The following ZNF518A variants were observed in gnomAD, a reference collection of about 807,000 sequenced individuals.
ZNF518A encodes zinc finger protein 518A, also known as zinc finger protein 518.
ZNF518A carries 47 observed loss-of-function variants against 102.7 expected under a neutral mutation model. The ratio of observed to expected loss-of-function variants is 0.46; its 90% CI spans 0.36 to 0.58. ZNF518A has a LOEUF of 0.58. ZNF518A is among the 20% of genes least tolerant of loss of function. ZNF518A has a pLI of 0.00. For synonymous variants in ZNF518A, 652 were observed against 594.6 expected (o/e 1.10, Z -1.40); for missense variants, 1,793 against 1,699.8 (o/e 1.05, Z -0.96).
rs963284865 is a variant in ZNF518A, at chr10:96,142,828, C to T, written c.-302+9180C>T. Among the ~76,000 whole-genome samples the T allele has an allele frequency of 3.4e-5, 5 of 148,340 alleles. No individual in the cohort carries two copies. In the East Asian group the frequency reaches 9.8e-4, roughly 29 times the overall value. ...TTCTTTTTTTTTTTTTTTATTGCGA[C>T]AGAGTCTCGCTGTGTCGCCCAAGCT... On this transcript the variant is annotated intron_variant, in intron 3 of 5. Coordinates refer to ENST00000316045, the MANE Select transcript of ZNF518A (RefSeq NM_001330736.2).
chr10:96,182,477 A>G (rs2083245989), intron 1 of ZNF518A, among the ~76,000 whole-genome samples: 1 of 152,192 alleles, frequency 6.6e-6, no homozygotes, highest in African/African-American at 2.4e-5. Context: ...TTTGTCATAA[A>G]TAGCTCTTAT....
At chr10:96,174,712 C>T (rs1029086596) in intron 1 of ZNF518A, among the ~76,000 whole-genome samples, 6 of 151,606 alleles carry the variant, frequency 4.0e-5, no homozygotes, top group African/African-American at 1.5e-4. Context: ...CTTCAGAATA[C>T]ATTAGTAAAG....
chr10:96,138,530 C>T (rs2081737390), intron 3 of ZNF518A, among the ~76,000 whole-genome samples: 1 of 152,160 alleles, frequency 6.6e-6, no homozygotes, highest in African/African-American at 2.4e-5. Flanking sequence ...GTCGAGGGCT[C>T]CCTGACTTAA....
At chr10:96,148,277 C>T (rs1554879197) in intron 3 of ZNF518A, among the ~76,000 whole-genome samples, 1 of 152,110 alleles carries the variant, frequency 6.6e-6, no homozygotes, top group African/African-American at 2.4e-5. Flanking sequence ...CATGTCTCTA[C>T]TAAAAATACA....
intron 1 of ZNF518A, among the ~76,000 whole-genome samples, chr10:96,131,895 A>G (rs1170139947): frequency 6.6e-5 from 10 of 152,100 alleles, no homozygotes; most frequent in Admixed American, 4.6e-4. Flanking sequence ...TGACTTCAGG[A>G]TATGCTTTAA....
intron 1 of ZNF518A, chr10:96,190,091 A>G (rs1327563582): frequency 1.4e-5 from 13 of 911,774 alleles, no homozygotes; most frequent in Non-Finnish European, 2.2e-5. Context: ...ACCGTTCTTA[A>G]GGATAACTGG....
chr10:96,176,095 A>G (rs2083203212), intron 1 of ZNF518A, among the ~76,000 whole-genome samples: 19 of 151,654 alleles, frequency 1.3e-4, no homozygotes, highest in Admixed American at 1.2e-3. Context: ...CTGCCTGGTT[A>G]TTATTATTTT....
In ZNF518A at chr10:96,158,502, A is replaced by G; in HGVS notation, c.2180A>G (p.Asn727Ser). Residue 727 changes from asparagine to serine, a missense_variant, in exon 6 of 6, where the codon AAC (asparagine) becomes AGC (serine). This residue lies in a region of ZNF518A where 1,741 missense variants were observed against 1,622.6 expected (regional missense o/e 1.07). Coordinates refer to ENST00000316045, the MANE Select transcript of ZNF518A (RefSeq NM_001330736.2). ...EEQYVLEKGQ[N>S]IDGQNLYSNE... Reference sequence around the variant, plus strand: ...CAGTATGTTTTAGAAAAAGGACAAAACATTGATGGACAAAACCTGTACAGT... The same window carrying G: ...CAGTATGTTTTAGAAAAAGGACAAAGCATTGATGGACAAAACCTGTACAGT... 6.2e-7 allele frequency: 1 copy of G among 1,612,582 alleles called. No homozygotes were observed. Among genetic ancestry groups the G allele is most frequent in the South Asian group, 1.1e-5 (1 of 90,938 alleles).
intron 1 of ZNF518A, among the ~76,000 whole-genome samples, chr10:96,195,677 G>A (rs1554894524): frequency 6.6e-6 from 1 of 152,192 alleles, no homozygotes; most frequent in Non-Finnish European, 1.5e-5. Context: ...CTGTTGTTCA[G>A]TGGGTATAGG....
intron 3 of ZNF518A, among the ~76,000 whole-genome samples, chr10:96,147,044 G>C (rs2082203639): frequency 6.6e-6 from 1 of 152,204 alleles, no homozygotes; most frequent in Non-Finnish European, 1.5e-5. Context: ...CAGAGAATCT[G>C]GCAGGCTCAG....
At position 96,160,563 on chromosome 10, in the gene ZNF518A, G is replaced by T. The variant is rs1554887423; in HGVS notation, c.4241G>T (p.Ser1414Ile). ...AGGCACAAAACATTTAAACCTGTTA[G>T]TTCTGTGAAAGAAAGATTTGTGCTA... ...SKRHKTFKPV[S>I]SVKERFVLKL... Residue 1414 changes from serine (S) to isoleucine (I), a missense_variant, in exon 6 of 6, where the codon AGT (serine) becomes ATT (isoleucine). This residue lies in a region of ZNF518A where 1,741 missense variants were observed against 1,622.6 expected (regional missense o/e 1.07). Transcript: ENST00000316045. 1.2e-6 allele frequency: 2 copies of T among 1,612,060 alleles called. No homozygotes were observed. Among genetic ancestry groups the T allele is most frequent in the Non-Finnish European group, 1.7e-6 (2 of 1,179,216 alleles).
rs141256583 is a variant in ZNF518A at position 96,163,000 on chromosome 10, CTCTGTTTGTTACATATAGA to C, written c.*2233_*2251del. 7,689 of 166,982 alleles carry C rather than the reference CTCTGTTTGTTACATATAGA, an allele frequency of 0.046. 248 individuals carry two copies. The highest frequency in any genetic ancestry group is 0.12 in the South Asian group (558 of 4,828). 10.3% of individuals were successfully genotyped at this position (166,982 alleles called of 1,614,324 possible). On this transcript the variant is annotated 3_prime_UTR_variant, in exon 6 of 6. Coordinates refer to ENST00000316045, the MANE Select transcript of ZNF518A (RefSeq NM_001330736.2). ...CCCTAACAGCAATAAAATTAAAATGCTCTGTTTGTTACATATAGATCTGTTATGAGACATCACCTGCTGT... is the reference window on the plus strand; with the variant it reads ...CCCTAACAGCAATAAAATTAAAATGCTCTGTTATGAGACATCACCTGCTGT...
Position 96,162,305 on chromosome 10 carries a change from T to C in ZNF518A, c.*1531T>C, listed in dbSNP as rs76356742. On this transcript the variant is annotated 3_prime_UTR_variant, in exon 6 of 6. Transcript: ENST00000316045. Reference sequence around the variant, plus strand: ...AATATATAAGACTTTACCCATGTTATTTTCTTGGTTTTTATTTCAGATGTA... The same window carrying C: ...AATATATAAGACTTTACCCATGTTACTTTCTTGGTTTTTATTTCAGATGTA... 0.024 allele frequency: 3,927 copies of C among 166,878 alleles called. 74 individuals carry two copies. The highest frequency in any genetic ancestry group is 0.027 in the Non-Finnish European group (1,856 of 68,016). 10.3% of individuals were successfully genotyped at this position (166,878 alleles called of 1,614,324 possible).
intron 1 of ZNF518A, among the ~76,000 whole-genome samples, chr10:96,178,697 A>T (rs1311323971): frequency 6.6e-6 from 1 of 152,088 alleles, no homozygotes; most frequent in Non-Finnish European, 1.5e-5. Flanking sequence ...AAAATTGATA[A>T]ACCTTTAGCT....
In ZNF518A at chr10:96,161,759, C is replaced by G. The variant is rs898316862; in HGVS notation, c.*985C>G. 6.0e-6 allele frequency: 1 copy of G among 166,986 alleles called. No homozygotes were observed. Among genetic ancestry groups the G allele is most frequent in the East Asian group, 1.9e-4 (1 of 5,190 alleles). 10.3% of individuals were successfully genotyped at this position (166,986 alleles called of 1,614,324 possible). On this transcript the variant is annotated 3_prime_UTR_variant, in exon 6 of 6. Coordinates refer to ENST00000316045, the MANE Select transcript of ZNF518A (RefSeq NM_001330736.2). ...AAGATCATATTTTTGTCTGTATTCA[C>G]TTTATTATTTGAACATGTCCAAATT...
chr10:96,203,049 G>A (rs782220543), intron 1 of ZNF518A, among the ~76,000 whole-genome samples: 7 of 152,100 alleles, frequency 4.6e-5, no homozygotes, highest in African/African-American at 1.7e-4. Flanking sequence ...TTATTTGTGC[G>A]TTTATTTTTA....
At chr10:96,201,522 TA>T in intron 1 of ZNF518A, among the ~76,000 whole-genome samples, 1 of 152,344 alleles carries the variant, frequency 6.6e-6, no homozygotes, top group South Asian at 2.1e-4. Context: ...TTAAATGGAT[TA>T]ATAAATGTTT....
At chr10:96,192,178 G>A in intron 1 of ZNF518A, 7 of 1,549,496 alleles carry the variant, frequency 4.5e-6, no homozygotes, top group Non-Finnish European at 6.2e-6. Context: ...TCATTCTCAA[G>A]TTAGTAAAAG....
chr10:96,150,604 C>T (rs1191355078), intron 3 of ZNF518A, among the ~76,000 whole-genome samples: 3 of 150,140 alleles, frequency 2.0e-5, no homozygotes, highest in African/African-American at 7.3e-5. Context: ...ATTCCTCCCG[C>T]ATCTACTTTG....
Sources: gnomAD v4.1 joint callset for allele counts (sites outside exome capture counted in the v4.1 genomes callset) on GRCh38, gnomAD v4.1.1 for gene constraint, gnomAD v4.1.1 regional missense constraint, MANE v1.5 for transcripts, NCBI Gene and HGNC (gene_info 2026-07-23, HGNC 2026-07-21) for gene names.